Variants in DSCAM observed in about 807,000 individuals in gnomAD.
DSCAM encodes cell adhesion molecule DSCAM.
A neutral mutation model predicts 217.7 loss-of-function variants in DSCAM; 47 were observed. That is an observed-to-expected ratio of 0.22 (90% confidence interval 0.17 to 0.28). The LOEUF (loss-of-function observed/expected upper bound fraction) is 0.28, where lower values mean the gene tolerates loss of function less well. Ranked by LOEUF, DSCAM falls within the 10% of genes least tolerant of loss-of-function variation. The pLI, the probability that DSCAM is intolerant of heterozygous loss-of-function variation, is 1.00. For synonymous variants in DSCAM, 1,056 were observed against 1,015.3 expected (o/e 1.04, Z -0.76); for missense variants, 2,080 against 2,618.3 (o/e 0.79, Z 4.49).
At chr21:40,151,741 G>A (rs1316119472) in intron 16 of DSCAM, among the ~76,000 whole-genome samples, 2 of 152,156 alleles carry the variant, frequency 1.3e-5, no homozygotes, top group Non-Finnish European at 2.9e-5. Flanking sequence ...TACAGAAGTG[G>A]AGAACTCAGC....
chr21:40,082,567 C>T (rs1280833254), intron 24 of DSCAM, among the ~76,000 whole-genome samples: 2 of 152,120 alleles, frequency 1.3e-5, no homozygotes, highest in South Asian at 2.1e-4. Context: ...GGCAATGACT[C>T]GGTTCATCTA....
At position 40,353,675 on chromosome 21, in the gene DSCAM, C is replaced by A; in HGVS notation, c.724G>T (p.Val242Leu). Residue 242 changes from valine (V) to leucine (L), a missense_variant, in exon 5 of 33, where the codon GTG becomes TTG. Val to Leu is a conservative substitution (Grantham distance 32). This residue lies in a region of DSCAM where 568 missense variants were observed against 678.1 expected (regional missense o/e 0.84). Transcript: ENST00000400454. ...DHRKAMAGQR[V>L]ELPCKALGHP... is the part of the protein sequence containing the mutation. The stretch of plus-strand genomic sequence containing the variant: ...CCGAGCGCTTTGCAAGGCAGCTCCA[C>A]ACGCTGCCCAGCCATGGCTTTGCGA... 2 of 1,609,288 alleles carry A rather than the reference C, an allele frequency of 1.2e-6. No individual in the cohort carries two copies. Among genetic ancestry groups the A allele is most frequent in the Non-Finnish European group, 1.7e-6 (2 of 1,178,686 alleles).
chr21:40,776,722 C>G (rs976984308), intron 1 of DSCAM, among the ~76,000 whole-genome samples: 1 of 152,108 alleles, frequency 6.6e-6, no homozygotes, highest in Non-Finnish European at 1.5e-5. Flanking sequence ...TGGGGACCAA[C>G]GTAAGGATCC....
intron 11 of DSCAM, among the ~76,000 whole-genome samples, chr21:40,259,356 T>C (rs2073417158): frequency 6.6e-6 from 1 of 152,026 alleles, no homozygotes; most frequent in Non-Finnish European, 1.5e-5. Flanking sequence ...TCTCTGGTTA[T>C]ACCATCTCCC....
intron 1 of DSCAM, among the ~76,000 whole-genome samples, chr21:40,840,676 G>T (rs1379850174): frequency 2.0e-5 from 3 of 152,100 alleles, no homozygotes; most frequent in African/African-American, 4.8e-5. Flanking sequence ...AGCCACAGGC[G>T]TTTCTGGAAA....
intron 3 of DSCAM, among the ~76,000 whole-genome samples, chr21:40,378,537 T>C (rs990667977): frequency 1.4e-5 from 2 of 147,002 alleles, no homozygotes; most frequent in Admixed American, 1.4e-4. Flanking sequence ...GGATGCATAA[T>C]TTAACAATGA....
chr21:40,259,150 A>T (rs565751694), intron 11 of DSCAM, among the ~76,000 whole-genome samples: 1 of 152,358 alleles, frequency 6.6e-6, no homozygotes, highest in South Asian at 2.1e-4. Context: ...CTTAAAAGAG[A>T]AAACGCTTAC....
At chr21:40,532,222 C>T (rs1193421141) in intron 3 of DSCAM, among the ~76,000 whole-genome samples, 15 of 151,920 alleles carry the variant, frequency 9.9e-5, no homozygotes, top group Admixed American at 9.8e-4. Context: ...AAAATTCAAA[C>T]CACTGGGGAA....
At chr21:40,509,891 G>A (rs908277956) in intron 3 of DSCAM, among the ~76,000 whole-genome samples, 6 of 152,258 alleles carry the variant, frequency 3.9e-5, no homozygotes, top group Admixed American at 1.3e-4. Context: ...TTGGGAGGCC[G>A]AGGCAGGCGG....
intron 11 of DSCAM, among the ~76,000 whole-genome samples, chr21:40,210,695 C>T (rs1282363758): frequency 6.6e-6 from 1 of 152,200 alleles, no homozygotes; most frequent in Non-Finnish European, 1.5e-5. Flanking sequence ...CAGGCATGTG[C>T]CACCATGCTT....
intron 16 of DSCAM, among the ~76,000 whole-genome samples, chr21:40,161,627 GA>G (rs1216030860): frequency 6.6e-6 from 1 of 152,202 alleles, no homozygotes; most frequent in Non-Finnish European, 1.5e-5. Flanking sequence ...CGGATGACCA[GA>G]GATTTTGAAA....
At chr21:40,739,703 A>G (rs2091102620) in intron 1 of DSCAM, among the ~76,000 whole-genome samples, 1 of 152,156 alleles carries the variant, frequency 6.6e-6, no homozygotes, top group African/African-American at 2.4e-5. Flanking sequence ...AATTTTTTTA[A>G]AAGTACAGTT....
chr21:40,222,205 G>A (rs2091294438), intron 11 of DSCAM, among the ~76,000 whole-genome samples: 1 of 152,070 alleles, frequency 6.6e-6, no homozygotes, highest in Non-Finnish European at 1.5e-5. Flanking sequence ...AAGATATTTT[G>A]GATGACATTA....
chr21:40,386,070 T>C (rs576233935), intron 3 of DSCAM, among the ~76,000 whole-genome samples: 3 of 152,226 alleles, frequency 2.0e-5, no homozygotes, highest in African/African-American at 7.2e-5. Flanking sequence ...TGTACATTTG[T>C]GTTTAAGCAA....
At chr21:40,105,932 C>A (rs1373585735) in intron 20 of DSCAM, among the ~76,000 whole-genome samples, 3 of 152,294 alleles carry the variant, frequency 2.0e-5, no homozygotes, top group Middle Eastern at 3.4e-3. Flanking sequence ...GTTGAACCAA[C>A]CTTGCATCCT....
chr21:40,622,550 C>T (rs1434145995), intron 3 of DSCAM, among the ~76,000 whole-genome samples: 1 of 152,054 alleles, frequency 6.6e-6, no homozygotes. Context: ...ATCCCCATTT[C>T]AACTGTTTAT....
At chr21:40,579,151 A>G (rs916718821) in intron 3 of DSCAM, among the ~76,000 whole-genome samples, 1 of 152,184 alleles carries the variant, frequency 6.6e-6, no homozygotes. Flanking sequence ...CCCACCACAG[A>G]AAGCAAGCAA....
chr21:40,226,957 G>A lies in DSCAM; in HGVS notation c.2357-37719C>T, dbSNP rs377005677. ...CTTGTTACTCTCTCTGTGTCCATGC[G>A]TTCTCCTCATATAGTTCCCACTTGT... is the stretch of plus-strand genomic sequence containing the variant. On this transcript the variant is annotated intron_variant, in intron 11 of 32. Coordinates refer to ENST00000400454, the MANE Select transcript of DSCAM (RefSeq NM_001389.5). Among the ~76,000 whole-genome samples, 4 of 151,948 alleles carry A rather than the reference G, an allele frequency of 2.6e-5. No homozygotes were observed. In the East Asian group the frequency reaches 5.8e-4, roughly 22 times the overall value.
intron 1 of DSCAM, among the ~76,000 whole-genome samples, chr21:40,798,204 T>A (rs2091708382): frequency 6.6e-6 from 1 of 151,730 alleles, no homozygotes; most frequent in Non-Finnish European, 1.5e-5. Flanking sequence ...ACACCACTGC[T>A]CCACCACGAA....
Sources: allele counts gnomAD v4.1 joint callset (sites outside exome capture counted in the v4.1 genomes callset), GRCh38; gene constraint gnomAD v4.1.1; regional missense constraint gnomAD v4.1.1; transcripts MANE v1.5; gene names NCBI Gene and HGNC (gene_info 2026-07-23, HGNC 2026-07-21).